STX8: variants seen among roughly 807,000 people sequenced by gnomAD.
STX8 encodes the protein syntaxin 8, also known as syntaxin-8.
In STX8, 23 loss-of-function variants were observed where a neutral mutation model predicts 37.5. That is an observed-to-expected ratio of 0.61 (90% CI 0.44 to 0.87). The LOEUF (loss-of-function observed/expected upper bound fraction) is 0.87, where lower values mean the gene tolerates loss of function less well. Among genes scored for constraint, STX8 ranks in the 40% least tolerant of loss-of-function variants. The probability of loss-of-function intolerance (pLI) is 0.00; values close to 1 mark genes in which losing one functional copy is unlikely to be tolerated. For missense variants in STX8, 313 were observed against 284.7 expected (o/e 1.10, Z -0.71); for synonymous variants, 115 against 99.1 (o/e 1.16, Z -0.95).
chr17:9,284,486 A>C (rs952796195), intron 7 of STX8, among the ~76,000 whole-genome samples: 1 of 152,216 alleles, frequency 6.6e-6, no homozygotes, highest in African/African-American at 2.4e-5. Context: ...CACCCTGGAG[A>C]TACGGAGATA....
At chr17:9,560,397 C>A (rs201850542) in intron 2 of STX8, among the ~76,000 whole-genome samples, 240 of 93,278 alleles carry the variant, frequency 2.6e-3, no homozygotes, top group African/African-American at 5.1e-3. Flanking sequence ...GACTCCATCT[C>A]AAAAAAAAAA....
At chr17:9,275,641 G>A (rs1466032812) in intron 7 of STX8, among the ~76,000 whole-genome samples, 211 of 151,858 alleles carry the variant, frequency 1.4e-3, no homozygotes, top group African/African-American at 4.8e-3. Context: ...AGGCCAAGGT[G>A]GGTGGATCAT....
At position 9,438,756 on chromosome 17, in the gene STX8, C is replaced by T. The variant is rs908577643; in HGVS notation, c.541+53073G>A. On this transcript the variant is annotated intron_variant, in intron 6 of 7. Transcript: ENST00000306357. The stretch of plus-strand genomic sequence containing the variant: ...ATCCTGGCTAACACGGTGAAACCCC[C>T]GTCTCTATTAAAAATACAAAAAATT... Among the ~76,000 whole-genome samples, 200 of 151,910 alleles carry T rather than the reference C, an allele frequency of 1.3e-3. 2 individuals are homozygous for T. Among genetic ancestry groups the T allele is most frequent in the African/African-American group, 4.4e-3 (182 of 41,306 alleles).
At chr17:9,552,753 C>G (rs1259450997) in intron 3 of STX8, 1 of 151,254 alleles carries the variant, frequency 6.6e-6, no homozygotes, top group Non-Finnish European at 1.5e-5. Context: ...CCCGGGTTCA[C>G]GCCATTCTCC....
intron 7 of STX8, among the ~76,000 whole-genome samples, chr17:9,357,442 C>T (rs1910924305): frequency 6.6e-6 from 1 of 152,036 alleles, no homozygotes; most frequent in South Asian, 2.1e-4. Flanking sequence ...GTAATCCCAG[C>T]ACTTTGGGAG....
At chr17:9,318,901 C>T (rs1018425410) in intron 7 of STX8, among the ~76,000 whole-genome samples, 2 of 152,036 alleles carry the variant, frequency 1.3e-5, no homozygotes, top group Non-Finnish European at 2.9e-5. Flanking sequence ...AATAGAAATG[C>T]CAGAATGACA....
chr17:9,524,300 G>C (rs192912794), intron 4 of STX8, among the ~76,000 whole-genome samples: 52 of 152,322 alleles, frequency 3.4e-4, no homozygotes, highest in Admixed American at 9.2e-4. Context: ...ATAAACAACA[G>C]AAATTTACTG....
rs184015837 is a variant in STX8, at chr17:9,297,152, C to T, written c.644-46507G>A. ...AACGTCAGCTCTCATTTATGTTTAC[C>T]TCATTAAACTGCAATCTTAACTTGA... On this transcript the variant is annotated intron_variant, in intron 7 of 7. Coordinates refer to ENST00000306357, the MANE Select transcript of STX8 (RefSeq NM_004853.3). Among the ~76,000 whole-genome samples, 3 of 150,544 alleles carry T rather than the reference C, an allele frequency of 2.0e-5. No homozygotes were observed. The East Asian group carries it at 5.9e-4, about 29-fold the overall frequency.
chr17:9,420,371 C>T (rs865890887), intron 6 of STX8, among the ~76,000 whole-genome samples: 1 of 152,204 alleles, frequency 6.6e-6, no homozygotes, highest in Non-Finnish European at 1.5e-5. Context: ...GGGCACGACT[C>T]CGCCAAGTTA....
At chr17:9,540,655 T>C (rs767484537) in intron 4 of STX8, 2 of 152,266 alleles carry the variant, frequency 1.3e-5, no homozygotes, top group East Asian at 3.8e-4. Flanking sequence ...CGGACCATCA[T>C]TGTGTGTTAT....
intron 3 of STX8, among the ~76,000 whole-genome samples, chr17:9,545,712 C>T (rs1446903226): frequency 6.6e-6 from 1 of 152,194 alleles, no homozygotes; most frequent in Non-Finnish European, 1.5e-5. Context: ...TCCCGAGTAG[C>T]TGGGCTTACA....
intron 7 of STX8, among the ~76,000 whole-genome samples, chr17:9,330,467 G>A (rs999688433): frequency 1.3e-5 from 2 of 152,180 alleles, no homozygotes; most frequent in Non-Finnish European, 2.9e-5. Context: ...CGAGGATGCT[G>A]GTTACCCTGG....
At chr17:9,325,096 G>A (rs748484421) in intron 7 of STX8, among the ~76,000 whole-genome samples, 3 of 152,192 alleles carry the variant, frequency 2.0e-5, no homozygotes, top group Non-Finnish European at 4.4e-5. Context: ...GTTGCCAGAT[G>A]ATCTTGCACA....
intron 4 of STX8, among the ~76,000 whole-genome samples, chr17:9,516,298 C>CATATATATATATATATAT (rs150682084): frequency 7.7e-5 from 4 of 51,748 alleles, no homozygotes; most frequent in Non-Finnish European, 1.2e-4. Flanking sequence ...GAACCACAGT[C>CATATATATATATATATAT]ATATATATAT....
chr17:9,378,553 A>C lies in STX8; in HGVS notation c.642T>G (p.Cys214Trp), dbSNP rs1911681443. The change falls in exon 7 of 8, where the codon TGT becomes TGG. Residue 214 changes from cysteine to tryptophan, a missense_variant and splice_region_variant. Transcript: ENST00000306357. ...VNMVDRKSAS[C>W]GMIMVILLLL... ...AGCCATAACGTAGCTATCTCTTACC[A>C]CAAGAGGCTGACTTTCTGTCCACCA... 5.0e-6 allele frequency: 8 copies of C among 1,613,182 alleles called. No individual in the cohort carries two copies. The highest frequency in any genetic ancestry group is 6.8e-6 in the Non-Finnish European group (8 of 1,179,246).
chr17:9,349,316 C>CT (rs61627405), intron 7 of STX8, among the ~76,000 whole-genome samples: 20,375 of 109,714 alleles, frequency 0.19, 2,438 homozygotes, highest in Non-Finnish European at 0.26. Context: ...ATTTTCTTTT[C>CT]TTTTTTTTTT....
At chr17:9,288,006 C>A (rs1908141843) in intron 7 of STX8, among the ~76,000 whole-genome samples, 1 of 146,648 alleles carries the variant, frequency 6.8e-6, no homozygotes, top group East Asian at 2.1e-4. Context: ...CCTCGGCTTC[C>A]CAAAGTGCTG....
chr17:9,458,987 G>A (rs571068359), intron 6 of STX8, among the ~76,000 whole-genome samples: 6 of 151,836 alleles, frequency 4.0e-5, no homozygotes, highest in African/African-American at 7.3e-5. Flanking sequence ...CCACCACCAC[G>A]CCCGGCTAAT....
chr17:9,279,054 GT>G (rs201339409), intron 7 of STX8, among the ~76,000 whole-genome samples: 5 of 105,648 alleles, frequency 4.7e-5, no homozygotes, highest in African/African-American at 1.8e-4. Context: ...CTGTGTGTGT[GT>G]TTTTTGTTTT....
Sources: gnomAD v4.1 joint callset for allele counts (sites outside exome capture counted in the v4.1 genomes callset) on GRCh38, gnomAD v4.1.1 for gene constraint, MANE v1.5 for transcripts, NCBI Gene and HGNC (gene_info 2026-07-23, HGNC 2026-07-21) for gene names.